Variants in MAPK8 observed in about 807,000 individuals in gnomAD.
The protein encoded by MAPK8 is JUN N-terminal kinase.
MAPK8 carries 13 observed loss-of-function variants against 52.9 expected under a neutral mutation model. That is an observed-to-expected ratio of 0.25 (90% CI 0.16 to 0.39). The LOEUF (loss-of-function observed/expected upper bound fraction) is 0.39. Ranked by LOEUF, MAPK8 falls within the 10% of genes least tolerant of loss-of-function variation. MAPK8 has a pLI of 1.00. For synonymous variants in MAPK8, 191 were observed against 169.8 expected, an observed-to-expected ratio of 1.12 and a Z score of -0.97; for missense variants, 300 against 519.2, an observed-to-expected ratio of 0.58 and a Z score of 4.10.
At position 48,325,151 on chromosome 10, in the gene MAPK8, T is replaced by C. The variant is rs144109871; in HGVS notation, c.-50+18330T>C. 9.0e-4 allele frequency among the ~76,000 whole-genome samples: 137 copies of C among 152,190 alleles called. 2 individuals carry two copies. In the East Asian group the frequency reaches 0.021, roughly 23 times the overall value. On this transcript the variant is annotated intron_variant, in intron 1 of 11. Transcript: ENST00000374189. ...CCACCATGCCTGGCTAATTTTCATA[T>C]TTTTAGTAGAGATGGGGTTTCACCA...
In MAPK8 at chr10:48,366,271, C is replaced by T. The variant is rs899485002; in HGVS notation, c.-49-35341C>T. Among the ~76,000 whole-genome samples the T allele has an allele frequency of 5.3e-5, 8 of 151,932 alleles. No individual in the cohort carries two copies. The East Asian group carries it at 1.5e-3, about 29-fold the overall frequency. On this transcript the variant is annotated intron_variant, in intron 1 of 11. Transcript: ENST00000374189. The stretch of plus-strand genomic sequence containing the variant: ...AAACTAAACTAAACAAAAAAAACCC[C>T]TAAGAACCTTTAAACTTAACAAAGT...
intron 1 of MAPK8, among the ~76,000 whole-genome samples, chr10:48,366,203 AT>A (rs1175800844): frequency 6.6e-6 from 1 of 152,092 alleles, no homozygotes; most frequent in Non-Finnish European, 1.5e-5. Flanking sequence ...GGGAAAAAAA[AT>A]AACTTTGGTG....
In MAPK8 at chr10:48,436,117, T is replaced by G. The variant is rs1419151267; in HGVS notation, c.*1088T>G. 1.3e-5 allele frequency: 2 copies of G among 152,222 alleles called. No homozygotes were observed. The highest frequency in any genetic ancestry group is 3.9e-4 in the East Asian group (2 of 5,192). The allele number at this position is 152,222 out of a possible 1,614,324, so 9.4% of individuals were successfully genotyped here. ...GGGAGGTTCCAAACCCTACCTAGAT[T>G]TGTGTAGGTGATGTATCAAATGAGC... On this transcript the variant is annotated 3_prime_UTR_variant, in exon 12 of 12. Transcript: ENST00000374189.
rs180991098 is a variant in MAPK8, at chr10:48,328,224, G to C, written c.-50+21403G>C. Reference sequence around the variant, plus strand: ...GTAGAAATGGGGATTTCACCATGTTGGCCAGGGTGGTCTCGAACTTCTTGA... The same window carrying C: ...GTAGAAATGGGGATTTCACCATGTTCGCCAGGGTGGTCTCGAACTTCTTGA... On this transcript the variant is annotated intron_variant, in intron 1 of 11. Transcript: ENST00000374189. Among the ~76,000 whole-genome samples the C allele has an allele frequency of 1.6e-4, 25 of 151,838 alleles. No individual in the cohort carries two copies. In the South Asian group the frequency reaches 4.8e-3, roughly 29 times the overall value.
At chr10:48,364,438 T>TA (rs552110989) in intron 1 of MAPK8, among the ~76,000 whole-genome samples, 168 of 146,838 alleles carry the variant, frequency 1.1e-3, no homozygotes, top group East Asian at 1.6e-3. Context: ...TGAAAAAATT[T>TA]AAAAAAAAAA....
At chr10:48,328,231 G>A (rs1843725894) in intron 1 of MAPK8, among the ~76,000 whole-genome samples, 1 of 151,598 alleles carries the variant, frequency 6.6e-6, no homozygotes, top group African/African-American at 2.4e-5. Context: ...GTTGGCCAGG[G>A]TGGTCTCGAA....
intron 1 of MAPK8, among the ~76,000 whole-genome samples, chr10:48,315,365 GA>G (rs1440142539): frequency 6.6e-6 from 1 of 152,110 alleles, no homozygotes; most frequent in Non-Finnish European, 1.5e-5. Context: ...CCATCACCCA[GA>G]ACCTTTTCTT....
At chr10:48,414,866 G>GC (rs2042976904) in intron 5 of MAPK8, among the ~76,000 whole-genome samples, 1 of 152,016 alleles carries the variant, frequency 6.6e-6, no homozygotes, top group Non-Finnish European at 1.5e-5. Context: ...ACAGGCATGA[G>GC]CCATCATGCC....
At chr10:48,311,255 C>T (rs144193264) in intron 1 of MAPK8, among the ~76,000 whole-genome samples, 3 of 152,248 alleles carry the variant, frequency 2.0e-5, no homozygotes, top group African/African-American at 7.2e-5. Context: ...AAACGTCAAA[C>T]CAGTTTAATG....
chr10:48,412,646 T>G (rs1235603932), intron 5 of MAPK8, among the ~76,000 whole-genome samples: 4 of 152,252 alleles, frequency 2.6e-5, no homozygotes, highest in African/African-American at 9.6e-5. Flanking sequence ...GGAATGCCTC[T>G]GTCTAACCTT....
At chr10:48,407,451 T>A (rs1351115682) in intron 3 of MAPK8, among the ~76,000 whole-genome samples, 1 of 152,244 alleles carries the variant, frequency 6.6e-6, no homozygotes, top group Admixed American at 6.5e-5. Flanking sequence ...TTTTACCTGC[T>A]CTTGGTAATT....
At chr10:48,361,481 T>G (rs962722581) in intron 1 of MAPK8, among the ~76,000 whole-genome samples, 1 of 152,208 alleles carries the variant, frequency 6.6e-6, no homozygotes, top group East Asian at 1.9e-4. Flanking sequence ...CCACTGAACA[T>G]GAATTATTTC....
At chr10:48,358,151 C>T (rs1187022802) in intron 1 of MAPK8, among the ~76,000 whole-genome samples, 8 of 152,122 alleles carry the variant, frequency 5.3e-5, no homozygotes, top group Admixed American at 3.3e-4. Flanking sequence ...GTTTGAGTAT[C>T]TGTTTTCAGT....
intron 1 of MAPK8, among the ~76,000 whole-genome samples, chr10:48,397,794 T>G (rs1472718868): frequency 3.3e-5 from 5 of 152,126 alleles, no homozygotes; most frequent in Non-Finnish European, 7.4e-5. Context: ...TTTCACCGTG[T>G]TAGCCAGGCT....
chr10:48,401,591 A>T, intron 1 of MAPK8, 21 bp from the exon 2 acceptor site: 1 of 1,542,358 alleles, frequency 6.5e-7, no homozygotes, highest in Non-Finnish European at 8.9e-7. Context: ...TGTTAACATC[A>T]TGTTTTGTTG....
chr10:48,365,474 G>T (rs1006410162), intron 1 of MAPK8, among the ~76,000 whole-genome samples: 3 of 152,082 alleles, frequency 2.0e-5, no homozygotes, highest in African/African-American at 7.2e-5. Flanking sequence ...ATTTTCGTAT[G>T]CATTGACTAG....
rs573434779 is a variant in MAPK8, at chr10:48,312,032, G to A, written c.-50+5211G>A. On this transcript the variant is annotated intron_variant, in intron 1 of 11. Coordinates refer to ENST00000374189, the MANE Select transcript of MAPK8 (RefSeq NM_001323329.2). ...AAGCACATTTATGTCCTAACACAAG[G>A]AAGCAAATATTGTTAGTCATTTCAT... 3.9e-5 allele frequency among the ~76,000 whole-genome samples: 6 copies of A among 152,288 alleles called. No individual in the cohort carries two copies. In the South Asian group the frequency reaches 1.0e-3, roughly 26 times the overall value.
At chr10:48,349,293 C>G (rs566388481) in intron 1 of MAPK8, among the ~76,000 whole-genome samples, 3 of 152,266 alleles carry the variant, frequency 2.0e-5, no homozygotes, top group African/African-American at 7.2e-5. Context: ...ATCGATAGAA[C>G]TCTCCACCCC....
intron 1 of MAPK8, among the ~76,000 whole-genome samples, chr10:48,321,186 C>T (rs1279973128): frequency 7.0e-6 from 1 of 142,302 alleles, no homozygotes; most frequent in Non-Finnish European, 1.5e-5. Flanking sequence ...CAGCCTCAAA[C>T]TCTTGTACAC....
Sources: allele counts gnomAD v4.1 joint callset (sites outside exome capture counted in the v4.1 genomes callset), GRCh38; gene constraint gnomAD v4.1.1; transcripts MANE v1.5; gene names NCBI Gene and HGNC (gene_info 2026-07-23, HGNC 2026-07-21).